Variants in STK10 observed in about 807,000 individuals in gnomAD.
The protein encoded by STK10 is serine/threonine kinase 10, also known as serine/threonine-protein kinase 10.
STK10 carries 78 observed loss-of-function variants against 113.8 expected under a neutral mutation model. That is an observed-to-expected ratio of 0.69 (90% CI 0.57 to 0.83). The LOEUF (loss-of-function observed/expected upper bound fraction) is 0.83, where lower values mean the gene tolerates loss of function less well. Ranked by LOEUF, STK10 falls within the 40% of genes least tolerant of loss-of-function variation. The probability of loss-of-function intolerance (pLI) is 0.00; values close to 1 mark genes in which losing one functional copy is unlikely to be tolerated. For missense variants in STK10, 1,109 were observed against 1,280.1 expected (o/e 0.87, Z 2.04); for synonymous variants, 465 against 494.7 (o/e 0.94, Z 0.80).
intron 4 of STK10, 71 bp from the exon 5 acceptor site, chr5:172,107,923 G>T: frequency 2.3e-6 from 3 of 1,331,254 alleles, no homozygotes; most frequent in Non-Finnish European, 3.2e-6. Context: ...TGTGGACTCA[G>T]GGGTACACAT....
chr5:172,127,368 C>T lies in STK10; in HGVS notation c.370+5G>A. ...CGACAATGCACCGAATCAAGTAAGA[C>T]TCACCCAGCATGATGGCGTCCACGG... On this transcript the variant is annotated splice_donor_5th_base_variant and intron_variant, in intron 3 of 18. Coordinates refer to ENST00000176763, the MANE Select transcript of STK10 (RefSeq NM_005990.4). 2 of 1,613,870 alleles carry T rather than the reference C, an allele frequency of 1.2e-6. No homozygotes were observed. The highest frequency in any genetic ancestry group is 1.7e-6 in the Non-Finnish European group (2 of 1,179,832).
At chr5:172,087,105 CCA>C (rs1768578964) in intron 10 of STK10, among the ~76,000 whole-genome samples, 1 of 91,762 alleles carries the variant, frequency 1.1e-5, no homozygotes, top group South Asian at 3.2e-4. Flanking sequence ...ACAGATGACA[CCA>C]GTGTGTGTGT....
chr5:172,105,618 A>G (rs756239016), intron 7 of STK10, 38 bp downstream of exon 7: 2 of 1,609,294 alleles, frequency 1.2e-6, no homozygotes, highest in South Asian at 2.2e-5. Flanking sequence ...ATTAGGCTCC[A>G]CCCTTCAGGG....
chr5:172,124,356 G>A (rs1769576945), intron 3 of STK10, among the ~76,000 whole-genome samples: 1 of 152,122 alleles, frequency 6.6e-6, no homozygotes, highest in Non-Finnish European at 1.5e-5. Context: ...ACCTAAAAAA[G>A]TTTGAGTATT....
Position 172,161,717 on chromosome 5 carries a change from G to C in STK10, c.157-4929C>G, listed in dbSNP as rs376958073. ...ATATGTGTCAGTGCATTTATCTCCTGGATCACCCTACAATGTGGTGCTGTC... is the reference window on the plus strand; with the variant it reads ...ATATGTGTCAGTGCATTTATCTCCTCGATCACCCTACAATGTGGTGCTGTC... On this transcript the variant is annotated intron_variant, in intron 1 of 18. Coordinates refer to ENST00000176763, the MANE Select transcript of STK10 (RefSeq NM_005990.4). Among the ~76,000 whole-genome samples, 15 of 152,216 alleles carry C rather than the reference G, an allele frequency of 9.9e-5. No homozygotes were observed. In the East Asian group the frequency reaches 2.9e-3, roughly 29 times the overall value.
intron 1 of STK10, among the ~76,000 whole-genome samples, chr5:172,160,097 C>G (rs184492216): frequency 6.6e-6 from 1 of 151,324 alleles, no homozygotes; most frequent in African/African-American, 2.4e-5. Flanking sequence ...GATTGCACCA[C>G]GGCACTCCAG....
intron 12 of STK10, among the ~76,000 whole-genome samples, chr5:172,066,876 C>T (rs987558418): frequency 2.6e-5 from 4 of 152,226 alleles, no homozygotes; most frequent in African/African-American, 9.6e-5. Flanking sequence ...ATGAGTGAGA[C>T]AGGTGCCAAG....
rs1434782286 is a variant in STK10, at chr5:172,082,476, T to C, written c.1839A>G (p.Leu613=). 3 of 1,594,478 alleles carry C rather than the reference T, an allele frequency of 1.9e-6. No individual in the cohort carries two copies. Among genetic ancestry groups the C allele is most frequent in the Admixed American group, 1.9e-5 (1 of 53,938 alleles). The change falls in exon 12 of 19, where the codon TTA becomes TTG. Residue 613 remains leucine, a synonymous_variant. Transcript: ENST00000176763. This position sits in a 1 kb window ranked among gnomAD's most constrained non-coding sequence, Gnocchi z 4.3. The part of the protein sequence containing the change: ...NAKKKFFDTE[L]ENLERQQKQQ... ...GCTTTTGCTGACGCTCCAGGTTCTCTAATTCCGTGTCAAAGAACTTCTTCT... is the reference window on the plus strand; with the variant it reads ...GCTTTTGCTGACGCTCCAGGTTCTCCAATTCCGTGTCAAAGAACTTCTTCT...
intron 18 of STK10, among the ~76,000 whole-genome samples, chr5:172,046,079 G>C (rs1014003217): frequency 6.6e-6 from 1 of 151,742 alleles, no homozygotes; most frequent in African/African-American, 2.4e-5. Context: ...CAATTTACAG[G>C]CCAGGTGCGG....
intron 8 of STK10, among the ~76,000 whole-genome samples, chr5:172,095,468 A>T (rs996280161): frequency 1.3e-5 from 2 of 152,120 alleles, no homozygotes; most frequent in Non-Finnish European, 2.9e-5. Flanking sequence ...CCTGCCATCT[A>T]TCGGCTCAGC....
intron 12 of STK10, among the ~76,000 whole-genome samples, chr5:172,066,833 G>A (rs181799860): frequency 2.8e-4 from 43 of 152,328 alleles, no homozygotes; most frequent in African/African-American, 9.4e-4. Flanking sequence ...CTAACTGTGT[G>A]TGTGAACACA....
chr5:172,168,644 G>A (rs1045784906), intron 1 of STK10, among the ~76,000 whole-genome samples: 1 of 152,172 alleles, frequency 6.6e-6, no homozygotes, highest in Admixed American at 6.5e-5. Flanking sequence ...GGCCCATGAA[G>A]TACACAGAGG....
At chr5:172,129,603 C>G (rs1345904470) in intron 2 of STK10, among the ~76,000 whole-genome samples, 3 of 152,196 alleles carry the variant, frequency 2.0e-5, no homozygotes, top group Non-Finnish European at 4.4e-5. Flanking sequence ...CCAACCACCA[C>G]CTAACCAGCT....
At chr5:172,081,299 C>A (rs62384623) in intron 12 of STK10, among the ~76,000 whole-genome samples, 15 of 146,762 alleles carry the variant, frequency 1.0e-4, no homozygotes, top group Non-Finnish European at 1.8e-4. Flanking sequence ...TGCAGTGAGC[C>A]GAGATTGTGC....
intron 1 of STK10, among the ~76,000 whole-genome samples, chr5:172,164,138 G>T (rs1770520427): frequency 6.6e-6 from 1 of 151,500 alleles, no homozygotes; most frequent in South Asian, 2.1e-4. Context: ...CTTGAACCCG[G>T]GAGGCGGAGG....
At position 172,168,562 on chromosome 5, in the gene STK10, G is replaced by A. The variant is rs781564332; in HGVS notation, c.157-11774C>T. On this transcript the variant is annotated intron_variant, in intron 1 of 18. Coordinates refer to ENST00000176763, the MANE Select transcript of STK10 (RefSeq NM_005990.4). ...GCCCAGGTCCTTGCGGGCTCAGGAT[G>A]AAAAAGGCCTGTCAAACCCTCTTAT... Among the ~76,000 whole-genome samples the A allele has an allele frequency of 8.5e-5, 13 of 152,156 alleles. No homozygotes were observed. In the South Asian group the frequency reaches 2.7e-3, roughly 32 times the overall value.
chr5:172,179,042 T>A (rs1399216901), intron 1 of STK10, among the ~76,000 whole-genome samples: 1 of 152,196 alleles, frequency 6.6e-6, no homozygotes, highest in African/African-American at 2.4e-5. Flanking sequence ...GTATGAGGGC[T>A]ATGCTATCAA....
intron 18 of STK10, among the ~76,000 whole-genome samples, chr5:172,048,208 C>T (rs1348193793): frequency 2.0e-5 from 3 of 152,028 alleles, no homozygotes; most frequent in East Asian, 1.9e-4. Context: ...CTGAGTAATG[C>T]AAATTACCCT....
chr5:172,121,637 T>C (rs1018640467), intron 3 of STK10, among the ~76,000 whole-genome samples: 28 of 151,976 alleles, frequency 1.8e-4, no homozygotes, highest in African/African-American at 6.8e-4. Context: ...AGAAACCCCG[T>C]CTCTACTAAA....
Sources: allele counts gnomAD v4.1 joint callset (sites outside exome capture counted in the v4.1 genomes callset), GRCh38; gene constraint gnomAD v4.1.1; non-coding constraint Gnocchi (gnomAD v3.1); transcripts MANE v1.5; gene names NCBI Gene and HGNC (gene_info 2026-07-23, HGNC 2026-07-21).